ACTR3C: variants seen among roughly 807,000 people sequenced by gnomAD.
ACTR3C encodes the protein actin related protein 3C, also known as actin-related protein 3C.
A neutral mutation model predicts 26.3 loss-of-function variants in ACTR3C; 18 were observed. The observed-to-expected ratio is 0.68, with a 90% CI of 0.47 to 1.01. The LOEUF is 1.01. ACTR3C is among the 50% of genes least tolerant of loss of function. The pLI is 0.00. For synonymous variants in ACTR3C, 55 were observed against 94.5 expected (o/e 0.58, Z 2.42); for missense variants, 184 against 250.7 (o/e 0.73, Z 1.80).
chr7:150,290,281 G>A (rs1466206778), intron 3 of ACTR3C, among the ~76,000 whole-genome samples: 1 of 152,236 alleles, frequency 6.6e-6, no homozygotes, highest in Non-Finnish European at 1.5e-5. Context: ...GGGTGACCAC[G>A]ACCTGGGCCG....
In ACTR3C at chr7:150,319,766, GT is replaced by G. The variant is rs1239323102; in HGVS notation, c.-52+3702del. ...AACCTCTCCCCTGACCCGAGACAGAGTTAGCAGCTAATGTAGCTACTTCCCA... is the reference window on the plus strand; with the variant it reads ...AACCTCTCCCCTGACCCGAGACAGAGTAGCAGCTAATGTAGCTACTTCCCA... On this transcript the variant is annotated intron_variant, in intron 1 of 7. Coordinates refer to ENST00000683684, the MANE Select transcript of ACTR3C (RefSeq NM_001164458.2). Among the ~76,000 whole-genome samples, 4 of 152,328 alleles carry G rather than the reference GT, an allele frequency of 2.6e-5. No individual in the cohort carries two copies. In the East Asian group the frequency reaches 7.7e-4, roughly 29 times the overall value.
At chr7:149,912,009 C>T in the ACTR3C span, among the ~76,000 whole-genome samples, 5 of 61,452 alleles carry the variant, frequency 8.1e-5, no homozygotes, top group South Asian at 7.6e-4. Flanking sequence ...GACCCTGTCT[C>T]GAAAAAAAAA....
At chr7:150,139,754 C>G in the ACTR3C span, among the ~76,000 whole-genome samples, 1 of 152,188 alleles carries the variant, frequency 6.6e-6, no homozygotes, top group African/African-American at 2.4e-5. Context: ...GCCATCCTCC[C>G]CCACACATGG....
the ACTR3C span, among the ~76,000 whole-genome samples, chr7:149,922,596 A>G: frequency 6.6e-6 from 1 of 151,962 alleles, no homozygotes; most frequent in Non-Finnish European, 1.5e-5. Flanking sequence ...CCTCCTGCAA[A>G]TGGATCCACA....
At chr7:150,002,111 TA>T in the ACTR3C span, 20,209 of 152,086 alleles carry the variant, frequency 0.13, 1,516 homozygotes, top group South Asian at 0.19. Flanking sequence ...GTCCCAGTGG[TA>T]GCCATATGAG....
At chr7:150,174,967 G>C in the ACTR3C span, among the ~76,000 whole-genome samples, 1 of 146,148 alleles carries the variant, frequency 6.8e-6, no homozygotes, top group Non-Finnish European at 1.5e-5. Context: ...CTAAGTCCTA[G>C]AAGATATTTT....
At chr7:150,085,497 A>G in the ACTR3C span, among the ~76,000 whole-genome samples, 6 of 152,154 alleles carry the variant, frequency 3.9e-5, no homozygotes, top group Admixed American at 3.3e-4. Flanking sequence ...AGGCCATAAA[A>G]GTGGTGAGGA....
At chr7:149,927,961 C>G in the ACTR3C span, among the ~76,000 whole-genome samples, 465 of 152,154 alleles carry the variant, frequency 3.1e-3, 1 homozygote, top group African/African-American at 0.01. Flanking sequence ...ATTAAGATAT[C>G]ATTTATTCTA....
chr7:149,929,198 C>T, the ACTR3C span, among the ~76,000 whole-genome samples: 9 of 151,918 alleles, frequency 5.9e-5, no homozygotes, highest in Admixed American at 5.2e-4. Flanking sequence ...GAGGCCAAGG[C>T]GGGTGGATTG....
the ACTR3C span, among the ~76,000 whole-genome samples, chr7:149,905,869 C>T: frequency 6.6e-6 from 1 of 152,010 alleles, no homozygotes; most frequent in African/African-American, 2.4e-5. Flanking sequence ...GGAGGAGTAA[C>T]GTGGCAATAC....
chr7:150,254,218 G>T (rs542068490), intron 6 of ACTR3C, among the ~76,000 whole-genome samples: 1 of 152,234 alleles, frequency 6.6e-6, no homozygotes, highest in East Asian at 1.9e-4. Flanking sequence ...ATGTGCTTGG[G>T]CATGGCTTGG....
chr7:150,276,330 C>G (rs1199444186), intron 6 of ACTR3C, among the ~76,000 whole-genome samples: 3 of 152,174 alleles, frequency 2.0e-5, no homozygotes, highest in Non-Finnish European at 4.4e-5. Flanking sequence ...AGGTAAAGAA[C>G]CGCTCATAGA....
chr7:149,941,118 G>C, the ACTR3C span, among the ~76,000 whole-genome samples: 2 of 152,208 alleles, frequency 1.3e-5, no homozygotes, highest in African/African-American at 2.4e-5. Flanking sequence ...TGGACATACA[G>C]ATTATACACA....
At chr7:150,124,246 G>T in the ACTR3C span, among the ~76,000 whole-genome samples, 2 of 152,156 alleles carry the variant, frequency 1.3e-5, no homozygotes, top group Non-Finnish European at 2.9e-5. Flanking sequence ...TGTTTCAATA[G>T]AAGTTGCAGT....
At chr7:150,054,914 A>G in the ACTR3C span, among the ~76,000 whole-genome samples, 1 of 152,338 alleles carries the variant, frequency 6.6e-6, no homozygotes, top group Admixed American at 6.5e-5. Context: ...GTGAAGCAAG[A>G]CTGATACTAC....
chr7:149,939,726 G>A, the ACTR3C span, among the ~76,000 whole-genome samples: 1 of 147,326 alleles, frequency 6.8e-6, no homozygotes, highest in East Asian at 1.9e-4. Context: ...TGAAATTTTA[G>A]ATAAGGATGT....
chr7:150,079,547 G>T, the ACTR3C span, among the ~76,000 whole-genome samples: 1 of 152,236 alleles, frequency 6.6e-6, no homozygotes, highest in South Asian at 2.1e-4. Context: ...TCTGCATGTG[G>T]GTGTTACACC....
At chr7:149,964,526 G>T in the ACTR3C span, among the ~76,000 whole-genome samples, 1 of 152,218 alleles carries the variant, frequency 6.6e-6, no homozygotes. Flanking sequence ...AGAAGGGCAT[G>T]GGCAGCTTGC....
chr7:150,261,667 A>T (rs141094742), intron 6 of ACTR3C, among the ~76,000 whole-genome samples: 13 of 151,898 alleles, frequency 8.6e-5, no homozygotes, highest in African/African-American at 3.2e-4. Context: ...ACGCCATTAC[A>T]CTCCAGCCTG....
Sources: gnomAD v4.1 joint callset for allele counts (sites outside exome capture counted in the v4.1 genomes callset) on GRCh38, gnomAD v4.1.1 for gene constraint, MANE v1.5 for transcripts, NCBI Gene and HGNC (gene_info 2026-07-23, HGNC 2026-07-21) for gene names.